Variants in ZNF704 observed in about 807,000 individuals in gnomAD.
The protein encoded by ZNF704 is glucocorticoid induced gene 1.
A neutral mutation model predicts 44.7 loss-of-function variants in ZNF704; 10 were observed. The ratio of observed to expected loss-of-function variants is 0.22; its 90% CI spans 0.14 to 0.38. The LOEUF (loss-of-function observed/expected upper bound fraction) is 0.38, where lower values mean the gene tolerates loss of function less well. Among genes scored for constraint, ZNF704 ranks in the 10% least tolerant of loss-of-function variants. ZNF704 has a pLI of 1.00. For missense variants in ZNF704, 390 were observed against 545.5 expected, an observed-to-expected ratio of 0.71 and a Z score of 2.84; for synonymous variants, 211 against 207.6, an observed-to-expected ratio of 1.02 and a Z score of -0.14.
At chr8:80,680,471 G>A (rs1367361450) in intron 4 of ZNF704, among the ~76,000 whole-genome samples, 1 of 151,750 alleles carries the variant, frequency 6.6e-6, no homozygotes. Flanking sequence ...GGACCTTGAC[G>A]GACAGAGAGG....
At position 80,760,106 on chromosome 8, in the gene ZNF704, T is replaced by C. The variant is rs115111418; in HGVS notation, c.221+61268A>G. 1.8e-3 allele frequency among the ~76,000 whole-genome samples: 273 copies of C among 152,328 alleles called. 1 individual carries two copies. Among genetic ancestry groups the C allele is most frequent in the African/African-American group, 6.2e-3 (259 of 41,584 alleles). On this transcript the variant is annotated intron_variant, in intron 2 of 8. Coordinates refer to ENST00000327835, the MANE Select transcript of ZNF704 (RefSeq NM_001033723.3). ...CCATGAGAAAGACCCTGATGAGCAG[T>C]TGACCCAGCTAAGCTGTGCCCCTAT... is the stretch of plus-strand genomic sequence containing the variant.
At chr8:80,675,679 T>C (rs1463809707) in intron 4 of ZNF704, among the ~76,000 whole-genome samples, 5 of 152,110 alleles carry the variant, frequency 3.3e-5, no homozygotes, top group African/African-American at 1.2e-4. Flanking sequence ...TGAGGAATGA[T>C]AAGAGGGATG....
intron 2 of ZNF704, chr8:80,812,258 T>A (rs1808099503): frequency 6.3e-6 from 1 of 158,040 alleles, no homozygotes; most frequent in Non-Finnish European, 1.4e-5. Context: ...TAGTTTGAAA[T>A]GCAGCAATAT....
chr8:80,791,403 T>A (rs1807706497), intron 2 of ZNF704, among the ~76,000 whole-genome samples: 5 of 151,904 alleles, frequency 3.3e-5, no homozygotes, highest in Admixed American at 3.3e-4. Context: ...TCAAAGTAGG[T>A]GAAAAATACA....
At chr8:80,749,945 G>T (rs577113660) in intron 2 of ZNF704, among the ~76,000 whole-genome samples, 3 of 152,182 alleles carry the variant, frequency 2.0e-5, no homozygotes, top group African/African-American at 4.8e-5. Flanking sequence ...TTCCAGGTGC[G>T]TGAATCTCCC....
chr8:80,716,073 C>G (rs1563529126), intron 2 of ZNF704, among the ~76,000 whole-genome samples: 1 of 148,800 alleles, frequency 6.7e-6, no homozygotes, highest in Admixed American at 6.6e-5. Flanking sequence ...AAGTGAGACT[C>G]TGTCTCGAAA....
intron 1 of ZNF704, among the ~76,000 whole-genome samples, chr8:80,856,921 G>A (rs755796951): frequency 2.0e-4 from 30 of 152,134 alleles, no homozygotes; most frequent in Non-Finnish European, 3.7e-4. Context: ...GGATTGTGCT[G>A]AATCTTTTAA....
chr8:80,823,816 A>C (rs1158649181), intron 1 of ZNF704, among the ~76,000 whole-genome samples: 1 of 152,210 alleles, frequency 6.6e-6, no homozygotes, highest in East Asian at 1.9e-4. Flanking sequence ...ACAGGGTCTG[A>C]AGTGGACCTC....
chr8:80,809,539 A>G (rs1808050009), intron 2 of ZNF704, among the ~76,000 whole-genome samples: 1 of 152,218 alleles, frequency 6.6e-6, no homozygotes, highest in Admixed American at 6.5e-5. Context: ...ACAAACCCTT[A>G]GCAGGAGAGA....
At position 80,849,902 on chromosome 8, in the gene ZNF704, A is replaced by G. The variant is rs537151651; in HGVS notation, c.-22+24669T>C. Among the ~76,000 whole-genome samples the G allele has an allele frequency of 2.0e-5, 3 of 152,332 alleles. No homozygotes were observed. In the South Asian group the frequency reaches 6.2e-4, roughly 32 times the overall value. On this transcript the variant is annotated intron_variant, in intron 1 of 8. Transcript: ENST00000327835. ...TGAAATGTGTTTTTACTGGAATTCA[A>G]CTTTTTCTGTTGCTGTCAATAAAAT...
chr8:80,733,823 T>C (rs997037227), intron 2 of ZNF704, among the ~76,000 whole-genome samples: 2 of 152,222 alleles, frequency 1.3e-5, no homozygotes, highest in African/African-American at 4.8e-5. Flanking sequence ...CTCTGAGCAA[T>C]TCCTTTTAGT....
intron 2 of ZNF704, among the ~76,000 whole-genome samples, chr8:80,707,657 A>C (rs369634769): frequency 4.4e-4 from 67 of 152,316 alleles, no homozygotes; most frequent in African/African-American, 1.5e-3. Flanking sequence ...GCTAATTCAA[A>C]TACTATTTAT....
At chr8:80,704,547 C>T (rs1040108073) in intron 2 of ZNF704, among the ~76,000 whole-genome samples, 10 of 152,176 alleles carry the variant, frequency 6.6e-5, no homozygotes, top group Non-Finnish European at 1.2e-4. Context: ...AAGACCAAGC[C>T]AGGATTAGAG....
chr8:80,660,048 C>T (rs1267472792), intron 6 of ZNF704, among the ~76,000 whole-genome samples: 1 of 152,080 alleles, frequency 6.6e-6, no homozygotes, highest in Non-Finnish European at 1.5e-5. Context: ...TGAACTAGTA[C>T]AATGTTCTTG....
intron 2 of ZNF704, among the ~76,000 whole-genome samples, chr8:80,700,338 A>G (rs1818789378): frequency 6.6e-6 from 1 of 152,208 alleles, no homozygotes; most frequent in African/African-American, 2.4e-5. Context: ...ACTGCAGTTT[A>G]ATCCCCAAAA....
At chr8:80,821,267 CT>C in intron 2 of ZNF704, 106 bp downstream of exon 2, 2 of 1,223,214 alleles carry the variant, frequency 1.6e-6, no homozygotes, top group Non-Finnish European at 2.3e-6. Context: ...GGCAGAAAAC[CT>C]TTCATATGTC....
intron 1 of ZNF704, among the ~76,000 whole-genome samples, chr8:80,855,716 C>T (rs1391395262): frequency 6.6e-6 from 1 of 152,104 alleles, no homozygotes; most frequent in Non-Finnish European, 1.5e-5. Flanking sequence ...TCTGACTTCA[C>T]CACTATACAA....
chr8:80,717,616 T>C (rs1179331859), intron 2 of ZNF704, among the ~76,000 whole-genome samples: 2 of 152,256 alleles, frequency 1.3e-5, no homozygotes, highest in Non-Finnish European at 2.9e-5. Flanking sequence ...CTGCAAGTTC[T>C]TGCCAATGCA....
chr8:80,871,719 G>T (rs73692268), intron 1 of ZNF704, among the ~76,000 whole-genome samples: 26,319 of 152,112 alleles, frequency 0.17, 2,754 homozygotes, highest in African/African-American at 0.29. Context: ...ATATGTAAGA[G>T]GTTAACATTC....
Sources: gnomAD v4.1 joint callset for allele counts (sites outside exome capture counted in the v4.1 genomes callset) on GRCh38, gnomAD v4.1.1 for gene constraint, MANE v1.5 for transcripts, NCBI Gene and HGNC (gene_info 2026-07-23, HGNC 2026-07-21) for gene names.